The following SRP19 variants were observed in gnomAD, a reference collection of about 807,000 sequenced individuals.
SRP19 encodes the protein signal recognition particle 19 kDa protein.
Under a neutral mutation model 22.4 loss-of-function variants are expected in SRP19, and 11 were observed. The observed-to-expected ratio is 0.49, with a 90% CI of 0.31 to 0.81. The LOEUF (loss-of-function observed/expected upper bound fraction) is 0.81, where lower values mean the gene tolerates loss of function less well. Among genes scored for constraint, SRP19 ranks in the 40% least tolerant of loss-of-function variants. The pLI is 0.05. For missense variants in SRP19, 168 were observed against 175.9 expected, an observed-to-expected ratio of 0.96 and a Z score of 0.25; for synonymous variants, 61 against 57.6, an observed-to-expected ratio of 1.06 and a Z score of -0.27.
chr5:112,868,273 G>T lies in SRP19; in HGVS notation c.*736G>T, dbSNP rs1580717464. 1.1e-5 allele frequency: 11 copies of T among 985,522 alleles called. No homozygotes were observed. Among genetic ancestry groups the T allele is most frequent in the Non-Finnish European group, 1.3e-5 (11 of 829,984 alleles). 61.0% of individuals were successfully genotyped at this position (985,522 alleles called of 1,614,324 possible). ...ATTGGATTGGTGCTCCAGAATTTCA[G>T]AGCGGTTTCTGAAAGTAGTGATTTT... On this transcript the variant is annotated 3_prime_UTR_variant, in exon 5 of 5. Coordinates refer to ENST00000505459, the MANE Select transcript of SRP19 (RefSeq NM_003135.3).
At chr5:112,863,387 G>T (rs1412249961) in intron 2 of SRP19, among the ~76,000 whole-genome samples, 3 of 152,052 alleles carry the variant, frequency 2.0e-5, no homozygotes, top group Non-Finnish European at 2.9e-5. Flanking sequence ...CACCATTGCC[G>T]ATTTGAGCTA....
chr5:112,889,509 C>T (rs1438531183), intron 4 of SRP19, among the ~76,000 whole-genome samples: 1 of 150,478 alleles, frequency 6.6e-6, no homozygotes, highest in Non-Finnish European at 1.5e-5. Flanking sequence ...CTTGTATATA[C>T]CTTTGAAATA....
chr5:112,861,545 C>T (rs1265987828), intron 1 of SRP19, 128 bp downstream of exon 1: 23 of 962,220 alleles, frequency 2.4e-5, no homozygotes, highest in Non-Finnish European at 1.1e-5. Flanking sequence ...CTGTACGGGC[C>T]CCGCGCCTCT....
At chr5:112,879,083 T>G (rs1231734046) in intron 4 of SRP19, among the ~76,000 whole-genome samples, 1 of 152,134 alleles carries the variant, frequency 6.6e-6, no homozygotes, top group Admixed American at 6.6e-5. Flanking sequence ...TAGCCCCTTG[T>G]TGTGACAGTG....
In SRP19 at chr5:112,861,301, A is replaced by G. The variant is rs985993351; in HGVS notation, c.-76A>G. ...GGCGGAAAAGCGGGCTGTCTCGGAAACTCAGAGCCGGGTTCCTCCCGGGTT... is the reference window on the plus strand; with the variant it reads ...GGCGGAAAAGCGGGCTGTCTCGGAAGCTCAGAGCCGGGTTCCTCCCGGGTT... On this transcript the variant is annotated 5_prime_UTR_variant, in exon 1 of 5. Transcript: ENST00000505459. 6.4e-7 allele frequency: 1 copy of G among 1,570,012 alleles called. No individual in the cohort carries two copies. Among genetic ancestry groups the G allele is most frequent in the Admixed American group, 1.7e-5 (1 of 59,968 alleles).
At chr5:112,895,681 T>C (rs1389693777), downstream of SRP19, 2 of 152,214 alleles carry the variant, frequency 1.3e-5, no homozygotes, top group African/African-American at 4.8e-5. Context: ...ATGTTAAAAA[T>C]AAAGTTAATT....
chr5:112,887,024 T>G (rs1448746080), intron 4 of SRP19: 7 of 1,603,020 alleles, frequency 4.4e-6, no homozygotes, highest in Non-Finnish European at 5.1e-6. Flanking sequence ...CCTTCTTTAG[T>G]GATGGCATCT....
chr5:112,874,509 C>A (rs1196067971), downstream of SRP19, among the ~76,000 whole-genome samples: 5 of 152,156 alleles, frequency 3.3e-5, no homozygotes, highest in Non-Finnish European at 7.4e-5. Context: ...AGGCAGAGAT[C>A]AATATTTTTG....
chr5:112,889,788 C>T (rs1356805526), intron 4 of SRP19, among the ~76,000 whole-genome samples: 1 of 149,534 alleles, frequency 6.7e-6, no homozygotes, highest in Non-Finnish European at 1.5e-5. Context: ...TTGAGACTAG[C>T]CTGTGTAACA....
downstream of SRP19, chr5:112,896,156 C>T (rs1465546200): frequency 6.6e-6 from 1 of 152,608 alleles, no homozygotes; most frequent in Non-Finnish European, 1.5e-5. Flanking sequence ...TCAGCATGCA[C>T]AAATAAAAGC....
rs1241443782 is a variant in SRP19, at chr5:112,867,630, G to T, written c.*93G>T. ...GGAGGGAAACAGAAGCTTTTTGTTT[G>T]CATCATTTAACTGAACTGTGAACCC... On this transcript the variant is annotated 3_prime_UTR_variant, in exon 5 of 5. Coordinates refer to ENST00000505459, the MANE Select transcript of SRP19 (RefSeq NM_003135.3). 2 of 1,405,118 alleles carry T rather than the reference G, an allele frequency of 1.4e-6. No individual in the cohort carries two copies. Among genetic ancestry groups the T allele is most frequent in the Middle Eastern group, 2.7e-4 (1 of 3,738 alleles). 87.0% of individuals were successfully genotyped at this position (1,405,118 alleles called of 1,614,324 possible). A position where few individuals can be genotyped will look rare whatever the true frequency, so the allele number is the denominator to read the frequency against.
Position 112,867,504 on chromosome 5 carries a change from A to G in SRP19, c.402A>G (p.Gly134=). 1.2e-6 allele frequency: 2 copies of G among 1,613,352 alleles called. No individual in the cohort carries two copies. The highest frequency in any genetic ancestry group is 2.2e-5 in the South Asian group (2 of 91,042). Residue 134 remains glycine (G), a synonymous_variant, in exon 5 of 5, where the codon GGA becomes GGG. Transcript: ENST00000505459. ...GADQSLQQGE[G]SKKGKGKKKK is the part of the protein sequence containing the mutation. The stretch of plus-strand genomic sequence containing the variant: ...ACCAAAGTCTTCAACAAGGAGAGGG[A>G]AGTAAAAAAGGGAAAGGAAAGAAAA...
At chr5:112,870,222 C>T (rs1767727530), downstream of SRP19, among the ~76,000 whole-genome samples, 1 of 152,126 alleles carries the variant, frequency 6.6e-6, no homozygotes, top group South Asian at 2.1e-4. Flanking sequence ...TACAGTGGCT[C>T]ACACCTATAA....
intron 4 of SRP19, among the ~76,000 whole-genome samples, chr5:112,874,845 G>A (rs529603428): frequency 1.3e-5 from 2 of 150,586 alleles, no homozygotes; most frequent in Admixed American, 1.3e-4. Flanking sequence ...GCGTGATCTC[G>A]GCTCACTGCA....
chr5:112,873,547 A>G (rs968001299), downstream of SRP19, among the ~76,000 whole-genome samples: 7 of 151,540 alleles, frequency 4.6e-5, no homozygotes, highest in African/African-American at 1.7e-4. Context: ...GGGTTTCTCC[A>G]TGTTGGTCAG....
chr5:112,875,196 A>G (rs1010945828), intron 4 of SRP19, among the ~76,000 whole-genome samples: 15 of 152,320 alleles, frequency 9.8e-5, no homozygotes, highest in Admixed American at 6.5e-4. Context: ...ATCCTCAAAT[A>G]TGTTTACTTT....
intron 4 of SRP19, among the ~76,000 whole-genome samples, chr5:112,888,227 G>A (rs530576207): frequency 2.3e-4 from 35 of 152,268 alleles, no homozygotes; most frequent in African/African-American, 7.5e-4. Flanking sequence ...AACAAGCTAT[G>A]ATGGTTTTCT....
In SRP19 at chr5:112,866,034, C is replaced by CT. The variant is rs1416743078; in HGVS notation, c.301+1306dup. Among the ~76,000 whole-genome samples the CT allele has an allele frequency of 2.6e-5, 4 of 151,988 alleles. 1 individual carries two copies. The highest frequency in any genetic ancestry group is 5.9e-5 in the Non-Finnish European group (4 of 68,008). ...ACCATGCCCAGCCTGCATGTTTGAACTTTTATTTTTAAAGACAAGGTCTCA... is the reference window on the plus strand; with the variant it reads ...ACCATGCCCAGCCTGCATGTTTGAACTTTTTATTTTTAAAGACAAGGTCTCA... On this transcript the variant is annotated intron_variant, in intron 4 of 4. Transcript: ENST00000505459.
rs771760338 is a variant in SRP19, at chr5:112,891,717, C to T, written c.*110C>T. 1.7e-5 allele frequency: 27 copies of T among 1,613,882 alleles called. 1 individual carries two copies. Among genetic ancestry groups the T allele is most frequent in the Admixed American group, 5.0e-5 (3 of 59,968 alleles). ...AACCAAGCCACAAAAAGTACAGGGC[C>T]GCCCTGAAGAAGGAGAAACGAAAGA... On this transcript the variant is annotated 3_prime_UTR_variant, in exon 5 of 5. Coordinates refer to the SRP19 transcript ENST00000391338.
Sources: gnomAD v4.1 joint callset for allele counts (sites outside exome capture counted in the v4.1 genomes callset) on GRCh38, gnomAD v4.1.1 for gene constraint, MANE v1.5 for transcripts, NCBI Gene and HGNC (gene_info 2026-07-23, HGNC 2026-07-21) for gene names.